The following GNA11 variants were observed in gnomAD, a reference collection of about 807,000 sequenced individuals.
The protein encoded by GNA11 is guanine nucleotide-binding protein subunit alpha-11.
Under a neutral mutation model 38.2 loss-of-function variants are expected in GNA11, and 8 were observed. The ratio of observed to expected loss-of-function variants is 0.21; its 90% confidence interval spans 0.12 to 0.38. GNA11 has a LOEUF of 0.38. GNA11 is among the 10% of genes least tolerant of loss of function. The pLI, the probability that GNA11 is intolerant of heterozygous loss-of-function variation, is 1.00. For synonymous variants in GNA11, 211 were observed against 221.4 expected (o/e 0.95, Z 0.42); for missense variants, 268 against 516.3 (o/e 0.52, Z 4.66).
chr19:3,114,870 G>T (rs2145320454), intron 3 of GNA11, 74 bp from the exon 4 acceptor site: 1 of 1,457,452 alleles, frequency 6.9e-7, no homozygotes, highest in Admixed American at 1.8e-5. Context: ...TCCTCCCGCT[G>T]GTTTGGGTGC....
At chr19:3,104,010 C>T (rs966706016) in intron 1 of GNA11, among the ~76,000 whole-genome samples, 14 of 152,208 alleles carry the variant, frequency 9.2e-5, no homozygotes, top group African/African-American at 3.1e-4. Flanking sequence ...TTGGTAGAGA[C>T]GGGGTTTCAC....
At chr19:3,104,459 C>A (rs570212320) in intron 1 of GNA11, among the ~76,000 whole-genome samples, 2 of 152,340 alleles carry the variant, frequency 1.3e-5, no homozygotes, top group African/African-American at 4.8e-5. Context: ...CCACCAGGAA[C>A]CATGCTTGCA....
rs537494462 is a variant in GNA11, at chr19:3,108,947, C to A, written c.137-1202C>A. ...TGAAGCTGCTTGAGGGTCCTCACAG[C>A]GTGGCGGCTGCCTACCCCAGAGCCC... On this transcript the variant is annotated intron_variant, in intron 1 of 6. Coordinates refer to ENST00000078429, the MANE Select transcript of GNA11 (RefSeq NM_002067.5). This position sits in a 1 kb window ranked among gnomAD's most constrained non-coding sequence, Gnocchi z 4.5. 1.3e-5 allele frequency among the ~76,000 whole-genome samples: 2 copies of A among 152,306 alleles called. No individual in the cohort carries two copies. Among genetic ancestry groups the A allele is most frequent in the South Asian group, 4.1e-4 (2 of 4,834 alleles).
chr19:3,107,205 C>T (rs308057), intron 1 of GNA11, among the ~76,000 whole-genome samples: 54,798 of 151,982 alleles, frequency 0.36, 10,758 homozygotes, highest in Non-Finnish European at 0.45. Flanking sequence ...CACTGCACTC[C>T]AGCCTGGGCA....
chr19:3,113,275 T>C, intron 2 of GNA11, 55 bp from the exon 3 acceptor site: 1 of 1,561,268 alleles, frequency 6.4e-7, no homozygotes, highest in Non-Finnish European at 8.8e-7. Context: ...ACAAGCTTTC[T>C]GGTGGATGTG....
rs372875763 is a variant in GNA11 at position 3,123,434 on chromosome 19, C to T, written c.*2255C>T. On this transcript the variant is annotated 3_prime_UTR_variant, in exon 7 of 7. Transcript: ENST00000078429. ...CAGGAGAGTCCCAGGCAGTGGTTCT[C>T]GTGCCAGTGGCACCCAGGGGCAAGG... The T allele has an allele frequency of 9.3e-4, 218 of 233,360 alleles. 1 individual carries two copies. Among genetic ancestry groups the T allele is most frequent in the Non-Finnish European group, 1.6e-3 (187 of 118,078 alleles). 14.5% of individuals were successfully genotyped at this position (233,360 alleles called of 1,614,324 possible).
At position 3,094,771 on chromosome 19, in the gene GNA11, C is replaced by G. The variant is rs1422256430; in HGVS notation, c.120C>G (p.Leu40=). Reference sequence around the variant, plus strand: ...ACAAGCGCGACGCCCGGCGCGAGCTCAAGCTGCTGCTGCTCGGTGAGTGCG... The same window carrying G: ...ACAAGCGCGACGCCCGGCGCGAGCTGAAGCTGCTGCTGCTCGGTGAGTGCG... ...RRDKRDARRE[L]KLLLLGTGES... Residue 40 remains leucine, a synonymous_variant, in exon 1 of 7, where the codon CTC becomes CTG. Coordinates refer to ENST00000078429, the MANE Select transcript of GNA11 (RefSeq NM_002067.5). The surrounding 1 kb of genome is among the most constrained non-coding windows in gnomAD (Gnocchi z 6.0). 1.3e-6 allele frequency: 2 copies of G among 1,585,382 alleles called. No homozygotes were observed. The highest frequency in any genetic ancestry group is 3.5e-5 in the Admixed American group (2 of 57,828).
chr19:3,120,922 A>C lies in GNA11; in HGVS notation c.890-67A>C. 1 of 1,234,098 alleles carries C rather than the reference A, an allele frequency of 8.1e-7. No homozygotes were observed. The highest frequency in any genetic ancestry group is 1.2e-6 in the Non-Finnish European group (1 of 862,154). 76.4% of individuals were successfully genotyped at this position (1,234,098 alleles called of 1,614,324 possible). A position where few individuals can be genotyped will look rare whatever the true frequency, so the allele number is the denominator to read the frequency against. On this transcript the variant is annotated intron_variant, in intron 6 of 6. Coordinates refer to ENST00000078429, the MANE Select transcript of GNA11 (RefSeq NM_002067.5). This position sits in a 1 kb window ranked among gnomAD's most constrained non-coding sequence, Gnocchi z 5.9. ...ACTCGCTCATCCCCTGGGAGTGACA[A>C]AGGGGCCCACGAGTCCCTTGCCCTG...
chr19:3,123,171 T>A lies in GNA11; in HGVS notation c.*1992T>A, dbSNP rs397454. On this transcript the variant is annotated 3_prime_UTR_variant, in exon 7 of 7. Transcript: ENST00000078429. ...TGTGCTTGTGGCATCTCTGAGGGCCTAGATTGCACAAGGTGACCTGGCCGT... is the reference window on the plus strand; with the variant it reads ...TGTGCTTGTGGCATCTCTGAGGGCCAAGATTGCACAAGGTGACCTGGCCGT... 4.3e-6 allele frequency: 1 copy of A among 233,084 alleles called. No homozygotes were observed. Among genetic ancestry groups the A allele is most frequent in the South Asian group, 1.8e-4 (1 of 5,534 alleles). 14.4% of individuals were successfully genotyped at this position (233,084 alleles called of 1,614,324 possible).
intron 1 of GNA11, among the ~76,000 whole-genome samples, chr19:3,098,912 T>C (rs946963001): frequency 1.3e-5 from 2 of 152,310 alleles, no homozygotes; most frequent in South Asian, 4.1e-4. Flanking sequence ...TAATCAGTTA[T>C]GATGATTGTG....
chr19:3,094,848 T>C lies in GNA11; in HGVS notation c.136+61T>C. ...CTGCCCTGCCTGTGCCTGCCCTGCCTGTCCGGGTCGGGCCGGGACCCTCCG... is the reference window on the plus strand; with the variant it reads ...CTGCCCTGCCTGTGCCTGCCCTGCCCGTCCGGGTCGGGCCGGGACCCTCCG... On this transcript the variant is annotated intron_variant, in intron 1 of 6. Coordinates refer to ENST00000078429, the MANE Select transcript of GNA11 (RefSeq NM_002067.5). The surrounding 1 kb of genome is among the most constrained non-coding windows in gnomAD (Gnocchi z 6.0). 3.1e-6 allele frequency: 4 copies of C among 1,295,612 alleles called. No homozygotes were observed. The highest frequency in any genetic ancestry group is 4.1e-6 in the Non-Finnish European group (4 of 978,284). 80.3% of individuals were successfully genotyped at this position (1,295,612 alleles called of 1,614,324 possible). A position where few individuals can be genotyped will look rare whatever the true frequency, so the allele number is the denominator to read the frequency against.
At chr19:3,117,305 C>T (rs1439589223) in intron 4 of GNA11, 1 of 152,452 alleles carries the variant, frequency 6.6e-6, no homozygotes, top group Non-Finnish European at 1.5e-5. Context: ...AATGTCCTGT[C>T]CCCTCCCTGA....
rs182850245 is a variant in GNA11, at chr19:3,108,126, T to C, written c.137-2023T>C. Among the ~76,000 whole-genome samples, 7 of 152,328 alleles carry C rather than the reference T, an allele frequency of 4.6e-5. No individual in the cohort carries two copies. The East Asian group carries it at 1.4e-3, about 29-fold the overall frequency. ...CCCACTCGGGATGTGTTGGGTGTTT[T>C]GCGAGACCCCCCACAGGGAGCTCAG... is the stretch of plus-strand genomic sequence containing the variant. On this transcript the variant is annotated intron_variant, in intron 1 of 6. Coordinates refer to ENST00000078429, the MANE Select transcript of GNA11 (RefSeq NM_002067.5). This position sits in a 1 kb window ranked among gnomAD's most constrained non-coding sequence, Gnocchi z 4.5.
At chr19:3,104,775 C>T (rs993548499) in intron 1 of GNA11, among the ~76,000 whole-genome samples, 1 of 152,182 alleles carries the variant, frequency 6.6e-6, no homozygotes, top group East Asian at 1.9e-4. Context: ...ACGGGCACTG[C>T]CACACCTCAC....
chr19:3,122,934 C>T lies in GNA11; in HGVS notation c.*1755C>T. The T allele has an allele frequency of 9.1e-6, 2 of 220,032 alleles. No individual in the cohort carries two copies. Among genetic ancestry groups the T allele is most frequent in the Middle Eastern group, 2.6e-3 (2 of 768 alleles). The allele number at this position is 220,032 out of a possible 1,614,324, so 13.6% of individuals were successfully genotyped here. ...TGATCAGCCCCATGGGGAGACGGGG[C>T]TGGCGGGATACCCCCCCCCCGGCTT... On this transcript the variant is annotated 3_prime_UTR_variant, in exon 7 of 7. Transcript: ENST00000078429. The surrounding 1 kb of genome is among the most constrained non-coding windows in gnomAD (Gnocchi z 7.7).
chr19:3,104,011 G>A (rs61500656), intron 1 of GNA11, among the ~76,000 whole-genome samples: 26,611 of 152,100 alleles, frequency 0.17, 2,543 homozygotes, highest in South Asian at 0.22. Context: ...TGGTAGAGAC[G>A]GGGTTTCACC....
At chr19:3,114,523 G>T (rs540341597) in intron 3 of GNA11, among the ~76,000 whole-genome samples, 1 of 152,164 alleles carries the variant, frequency 6.6e-6, no homozygotes, top group Admixed American at 6.5e-5. Flanking sequence ...AGCCTCTGCA[G>T]CTGCGACTCT....
Position 3,095,473 on chromosome 19 carries a change from AGCCCTGTACACTCCATGCAG to A in GNA11, c.136+696_136+715del, listed in dbSNP as rs545166628. Among the ~76,000 whole-genome samples, 53 of 151,734 alleles carry A rather than the reference AGCCCTGTACACTCCATGCAG, an allele frequency of 3.5e-4. No individual in the cohort carries two copies. In the East Asian group the frequency reaches 5.2e-3, roughly 15 times the overall value. On this transcript the variant is annotated intron_variant, in intron 1 of 6. Transcript: ENST00000078429. ...CGCGTTGACCCTTCCCTCCAGGCAGAGCCCTGTACACTCCATGCAGGCCCTGTACCCTCCATGCAGGCCCT... is the reference window on the plus strand; with the variant it reads ...CGCGTTGACCCTTCCCTCCAGGCAGAGCCCTGTACCCTCCATGCAGGCCCT...
chr19:3,111,166 T>C (rs961296700), intron 2 of GNA11, among the ~76,000 whole-genome samples: 1 of 152,136 alleles, frequency 6.6e-6, no homozygotes, highest in Admixed American at 6.6e-5. Context: ...AAATCACAGC[T>C]TTATTGAGTT....
Sources: allele counts gnomAD v4.1 joint callset (sites outside exome capture counted in the v4.1 genomes callset), GRCh38; gene constraint gnomAD v4.1.1; non-coding constraint Gnocchi (gnomAD v3.1); transcripts MANE v1.5; gene names NCBI Gene and HGNC (gene_info 2026-07-23, HGNC 2026-07-21).